PIGF: variants seen among roughly 807,000 people sequenced by gnomAD.
The protein encoded by PIGF is phosphatidylinositol glycan anchor biosynthesis class F, also known as GPI ethanolamine phosphate transferase, stabilizing subunit.
PIGF carries 23 observed loss-of-function variants against 26.0 expected under a neutral mutation model. The observed-to-expected ratio is 0.88, with a 90% confidence interval of 0.64 to 1.25. The LOEUF (loss-of-function observed/expected upper bound fraction) is 1.25. PIGF is among the 50% of genes most tolerant of loss of function. The pLI is 0.00. For synonymous variants in PIGF, 93 were observed against 92.6 expected, an observed-to-expected ratio of 1.00 and a Z score of -0.03; for missense variants, 278 against 249.9, an observed-to-expected ratio of 1.11 and a Z score of -0.76.
In PIGF at chr2:46,588,232, G is replaced by A; in HGVS notation, c.546+4243C>T. On this transcript the variant is annotated intron_variant, in intron 5 of 5. Coordinates refer to ENST00000281382, the MANE Select transcript of PIGF (RefSeq NM_002643.4). The surrounding 1 kb of genome is among the most constrained non-coding windows in gnomAD (Gnocchi z 4.1). ...ATGTGAAATCCAAATACCCTAAATT[G>A]GCATAACTAAATACCAGAGAAATAG... 3 of 1,598,460 alleles carry A rather than the reference G, an allele frequency of 1.9e-6. No homozygotes were observed. The highest frequency in any genetic ancestry group is 1.3e-5 in the African/African-American group (1 of 74,174).
At chr2:46,587,567 T>G (rs1409454574) in intron 5 of PIGF, among the ~76,000 whole-genome samples, 1 of 152,198 alleles carries the variant, frequency 6.6e-6, no homozygotes, top group Non-Finnish European at 1.5e-5. Flanking sequence ...TGTCTAAAAT[T>G]CAAAATCTCC....
intron 5 of PIGF, 27 bp from the exon 6 acceptor site, chr2:46,581,618 A>G (rs1395294065): frequency 1.2e-6 from 2 of 1,604,668 alleles, no homozygotes; most frequent in Non-Finnish European, 1.7e-6. Context: ...TGAGATCAAA[A>G]AAGAACAAAT....
chr2:46,608,691 A>G (rs1432811219), intron 4 of PIGF, among the ~76,000 whole-genome samples: 8 of 152,214 alleles, frequency 5.3e-5, no homozygotes, highest in Non-Finnish European at 1.2e-4. Context: ...GGCATGAAAA[A>G]AACATTAATA....
intron 4 of PIGF, among the ~76,000 whole-genome samples, chr2:46,600,714 G>A (rs1057087970): frequency 4.6e-5 from 7 of 152,024 alleles, no homozygotes; most frequent in South Asian, 2.1e-4. Flanking sequence ...TCCAATTTCC[G>A]TTATGTGACA....
At chr2:46,611,760 GTATCT>G (rs1558711448) in intron 4 of PIGF, among the ~76,000 whole-genome samples, 1 of 152,000 alleles carries the variant, frequency 6.6e-6, no homozygotes, top group East Asian at 1.9e-4. Context: ...TTGAGCTCTG[GTATCT>G]TATCACAAAA....
At chr2:46,594,978 A>G (rs1445815493) in intron 4 of PIGF, among the ~76,000 whole-genome samples, 3 of 150,422 alleles carry the variant, frequency 2.0e-5, no homozygotes, top group African/African-American at 7.4e-5. Flanking sequence ...AGCCTCCCGA[A>G]TAGCTGGGAT....
At chr2:46,613,029 TA>T (rs997072158) in intron 3 of PIGF, among the ~76,000 whole-genome samples, 21 of 142,848 alleles carry the variant, frequency 1.5e-4, no homozygotes, top group African/African-American at 5.0e-4. Flanking sequence ...TGTGTGTACG[TA>T]AAACTATGTA....
intron 4 of PIGF, among the ~76,000 whole-genome samples, chr2:46,609,413 C>A (rs992962912): frequency 6.6e-6 from 1 of 152,228 alleles, no homozygotes; most frequent in Non-Finnish European, 1.5e-5. Context: ...AAGGCTGTTC[C>A]ACTTTCTTGT....
chr2:46,614,725 G>T (rs766595740), intron 2 of PIGF: 115 of 469,300 alleles, frequency 2.5e-4, no homozygotes, highest in Non-Finnish European at 2.6e-4. Context: ...CTCTGAAGAA[G>T]TCATAATTCC....
In PIGF at chr2:46,581,817, G is replaced by A. The variant is rs1669390640; in HGVS notation, c.547-226C>T. ...CTTCTGGCAATTGTAGATTTAGTTT[G>A]ACGCTCCCCAAAGTGCATGAGACAC... On this transcript the variant is annotated intron_variant, in intron 5 of 5. Transcript: ENST00000281382. The A allele has an allele frequency of 3.7e-5, 18 of 490,302 alleles. No individual in the cohort carries two copies. The South Asian group carries it at 5.0e-4, about 14-fold the overall frequency. The allele number at this position is 490,302 out of a possible 1,614,324, so 30.4% of individuals were successfully genotyped here. A position where few individuals can be genotyped will look rare whatever the true frequency, so the allele number is the denominator to read the frequency against.
At chr2:46,608,671 T>C (rs1670300546) in intron 4 of PIGF, among the ~76,000 whole-genome samples, 1 of 152,222 alleles carries the variant, frequency 6.6e-6, no homozygotes, top group African/African-American at 2.4e-5. Flanking sequence ...AGAATGGATC[T>C]TGTGTTGTAG....
intron 5 of PIGF, among the ~76,000 whole-genome samples, chr2:46,590,419 C>G (rs1241809546): frequency 6.6e-6 from 1 of 152,040 alleles, no homozygotes; most frequent in Admixed American, 6.6e-5. Context: ...CACATATATT[C>G]ATTCCTCTTA....
chr2:46,581,201 A>C lies in PIGF; in HGVS notation c.*277T>G. 1 of 979,914 alleles carries C rather than the reference A, an allele frequency of 1.0e-6. No individual in the cohort carries two copies. Among genetic ancestry groups the C allele is most frequent in the South Asian group, 1.9e-5 (1 of 51,610 alleles). 60.7% of individuals were successfully genotyped at this position (979,914 alleles called of 1,614,324 possible). On this transcript the variant is annotated 3_prime_UTR_variant, in exon 6 of 6. Transcript: ENST00000281382. ...GCAGTTCAAAACTTGAAAGAAAACA[A>C]AACCTGTCCTCAGAATTCTATAAAG...
chr2:46,612,632 T>G (rs1251657251), intron 3 of PIGF, among the ~76,000 whole-genome samples: 3 of 150,798 alleles, frequency 2.0e-5, no homozygotes, highest in Non-Finnish European at 4.4e-5. Flanking sequence ...CAAAATCCAT[T>G]TCTAGATAGT....
intron 4 of PIGF, among the ~76,000 whole-genome samples, chr2:46,601,072 A>T (rs1332956422): frequency 6.6e-6 from 1 of 152,074 alleles, no homozygotes; most frequent in East Asian, 1.9e-4. Flanking sequence ...AAATAAGATA[A>T]AAAGAATAAA....
chr2:46,613,628 A>G (rs1670498511), intron 3 of PIGF, 66 bp downstream of exon 3: 6 of 1,199,966 alleles, frequency 5.0e-6, no homozygotes, highest in Middle Eastern at 4.6e-4. Flanking sequence ...GTTGCTAAGA[A>G]TTAGCACACA....
intron 2 of PIGF, chr2:46,614,274 A>G (rs1425728119): frequency 1.3e-5 from 2 of 152,732 alleles, no homozygotes; most frequent in East Asian, 3.8e-4. Context: ...CCGTATGAAA[A>G]AAGACCTGAA....
intron 5 of PIGF, chr2:46,582,367 T>C (rs1669423808): frequency 6.6e-6 from 1 of 152,164 alleles, no homozygotes; most frequent in African/African-American, 2.4e-5. Context: ...TTCTAATCTT[T>C]CTCTGGGGGG....
intron 4 of PIGF, among the ~76,000 whole-genome samples, chr2:46,597,676 T>C (rs931184867): frequency 2.6e-5 from 4 of 152,122 alleles, no homozygotes; most frequent in African/African-American, 9.7e-5. Context: ...CCTCCCAAAG[T>C]GCTGGGATTA....
Sources: gnomAD v4.1 joint callset for allele counts (sites outside exome capture counted in the v4.1 genomes callset) on GRCh38, gnomAD v4.1.1 for gene constraint, Gnocchi (gnomAD v3.1) non-coding constraint, MANE v1.5 for transcripts, NCBI Gene and HGNC (gene_info 2026-07-23, HGNC 2026-07-21) for gene names.